Variants in DEFA3 observed in about 807,000 individuals in gnomAD.
The protein encoded by DEFA3 is neutrophil defensin 3.
For synonymous variants in DEFA3, 3 were observed against 47.2 expected, an observed-to-expected ratio of 0.06 and a Z score of 3.84; for missense variants, 8 against 128.1, an observed-to-expected ratio of 0.06 and a Z score of 4.53.
chr8:7,017,799 C>T (rs1178953210), intron 1 of DEFA3, among the ~76,000 whole-genome samples: 6 of 152,074 alleles, frequency 3.9e-5, no homozygotes, highest in Non-Finnish European at 8.8e-5. Context: ...AACAATCAAC[C>T]GAGTGAAAAG....
intron 2 of DEFA3, among the ~76,000 whole-genome samples, 172 bp from the exon 3 acceptor site, chr8:7,016,271 A>T (rs1810965493): frequency 6.6e-6 from 1 of 152,224 alleles, no homozygotes; most frequent in Non-Finnish European, 1.5e-5. Flanking sequence ...TGTCACACAG[A>T]ATTTGAGACT....
chr8:7,017,926 A>C (rs1263751929), intron 1 of DEFA3, among the ~76,000 whole-genome samples: 1 of 152,266 alleles, frequency 6.6e-6, no homozygotes, highest in African/African-American at 2.4e-5. Context: ...CCTGATTGAA[A>C]GACAGACCAA....
At chr8:7,017,825 A>C (rs920205322) in intron 1 of DEFA3, among the ~76,000 whole-genome samples, 1 of 152,156 alleles carries the variant, frequency 6.6e-6, no homozygotes, top group Non-Finnish European at 1.5e-5. Context: ...CCAGAAAATG[A>C]GAGAAAATAT....
rs1373779868 is a variant in DEFA3 at position 7,015,917 on chromosome 8, A to T, written c.*73T>A. 5.8e-6 allele frequency: 7 copies of T among 1,207,216 alleles called. No individual in the cohort carries two copies. Among genetic ancestry groups the T allele is most frequent in the Non-Finnish European group, 8.4e-6 (7 of 830,698 alleles). The allele number at this position is 1,207,216 out of a possible 1,614,324, so 74.8% of individuals were successfully genotyped here. A position where few individuals can be genotyped will look rare whatever the true frequency, so the allele number is the denominator to read the frequency against. ...AGATGAGGAAAGGAAATTGAGCAGA[A>T]GGTACAGGAGTAATAGCAATTCCCT... On this transcript the variant is annotated 3_prime_UTR_variant, in exon 3 of 3. Coordinates refer to ENST00000327857, the MANE Select transcript of DEFA3 (RefSeq NM_005217.4).
At chr8:7,017,923 G>C (rs1428959074) in intron 1 of DEFA3, among the ~76,000 whole-genome samples, 1 of 152,250 alleles carries the variant, frequency 6.6e-6, no homozygotes, top group African/African-American at 2.4e-5. Context: ...CAACCTGATT[G>C]AAAGACAGAC....
Position 7,015,904 on chromosome 8 carries a change from G to A in DEFA3, c.*86C>T. 7.7e-6 allele frequency: 9 copies of A among 1,175,326 alleles called. 1 individual carries two copies. Among genetic ancestry groups the A allele is most frequent in the Non-Finnish European group, 1.1e-5 (9 of 805,446 alleles). The allele number at this position is 1,175,326 out of a possible 1,614,324, so 72.8% of individuals were successfully genotyped here. A position where few individuals can be genotyped will look rare whatever the true frequency, so the allele number is the denominator to read the frequency against. ...AGGCATTTATTTGAGATGAGGAAAG[G>A]AAATTGAGCAGAAGGTACAGGAGTA... is the stretch of plus-strand genomic sequence containing the variant. On this transcript the variant is annotated 3_prime_UTR_variant, in exon 3 of 3. Transcript: ENST00000327857.
chr8:7,018,015 T>A (rs1311868180), intron 1 of DEFA3, among the ~76,000 whole-genome samples: 1 of 148,988 alleles, frequency 6.7e-6, no homozygotes, highest in Admixed American at 6.7e-5. Context: ...CCAGGACATG[T>A]GTGTTTAGAA....
intron 1 of DEFA3, among the ~76,000 whole-genome samples, chr8:7,017,810 A>G (rs1381940614): frequency 6.6e-6 from 1 of 152,100 alleles, no homozygotes; most frequent in Non-Finnish European, 1.5e-5. Flanking sequence ...GAGTGAAAAG[A>G]TAACCCAGAA....
In DEFA3 at chr8:7,016,696, C is replaced by G; in HGVS notation, c.155G>C (p.Ser52Thr). The stretch of plus-strand genomic sequence containing the variant: ...CTCACCTGGATGCTTTGGAGCCAAG[C>G]TTTCGTCCCATGCAAGGGAAACAAC... ...EVVVSLAWDE[S>T]LAPKHPGSRK... Residue 52 changes from serine (S) to threonine (T), a missense_variant, in exon 2 of 3, where the codon AGC (serine) becomes ACC (threonine). By Grantham distance (58) the Ser-to-Thr change is moderately conservative. Coordinates refer to ENST00000327857, the MANE Select transcript of DEFA3 (RefSeq NM_005217.4). The G allele has an allele frequency of 2.1e-6, 3 of 1,451,240 alleles. No homozygotes were observed. The highest frequency in any genetic ancestry group is 1.9e-6 in the Non-Finnish European group (2 of 1,068,910). The allele number at this position is 1,451,240 out of a possible 1,614,324, so 89.9% of individuals were successfully genotyped here.
At chr8:7,016,375 T>TATA (rs1810971093) in intron 2 of DEFA3, among the ~76,000 whole-genome samples, 3 of 45,106 alleles carry the variant, frequency 6.7e-5, no homozygotes, top group African/African-American at 2.5e-4. Context: ...AAAGCTCTTC[T>TATA]GTAGAGTAAA....
chr8:7,018,025 A>G (rs1811053617), intron 1 of DEFA3, among the ~76,000 whole-genome samples, 197 bp downstream of exon 1: 2 of 149,200 alleles, frequency 1.3e-5, no homozygotes, highest in Non-Finnish European at 3.0e-5. Context: ...TGTGTTTAGA[A>G]GGAAACTGCT....
intron 2 of DEFA3, 52 bp from the exon 3 acceptor site, chr8:7,016,151 A>G: frequency 1.0e-6 from 1 of 983,456 alleles, no homozygotes; most frequent in Non-Finnish European, 1.6e-6. Context: ...AGTGGGTAAG[A>G]AAAAGAATCT....
chr8:7,018,044 T>C (rs1811054638), intron 1 of DEFA3, among the ~76,000 whole-genome samples, 178 bp downstream of exon 1: 1 of 150,768 alleles, frequency 6.6e-6, no homozygotes, highest in Admixed American at 6.6e-5. Context: ...CTTGAGTTTC[T>C]CTATTAAGTT....
intron 2 of DEFA3, among the ~76,000 whole-genome samples, chr8:7,016,456 C>G (rs567018647): frequency 1.4e-5 from 2 of 146,482 alleles, no homozygotes; most frequent in South Asian, 2.1e-4. Flanking sequence ...ATATCTTAAA[C>G]TTAGTGAATT....
chr8:7,016,299 A>G (rs1224521185), intron 2 of DEFA3, among the ~76,000 whole-genome samples, 200 bp from the exon 3 acceptor site: 1 of 152,102 alleles, frequency 6.6e-6, no homozygotes, highest in South Asian at 2.1e-4. Context: ...CTTTGCTCTC[A>G]TTTTTGCATT....
chr8:7,016,256 G>T (rs1468381397), intron 2 of DEFA3, among the ~76,000 whole-genome samples, 157 bp from the exon 3 acceptor site: 4 of 152,232 alleles, frequency 2.6e-5, no homozygotes, highest in African/African-American at 7.2e-5. Context: ...ACGCAGAGCA[G>T]TGCTTGTCAC....
At chr8:7,018,018 G>A (rs2615798) in intron 1 of DEFA3, among the ~76,000 whole-genome samples, 849 of 130,476 alleles carry the variant, frequency 6.5e-3, no homozygotes, top group South Asian at 0.019. Context: ...GGACATGTGT[G>A]TTTAGAAGGA....
chr8:7,016,300 T>G (rs963112048), intron 2 of DEFA3, among the ~76,000 whole-genome samples: 69 of 152,082 alleles, frequency 4.5e-4, no homozygotes, highest in Admixed American at 3.3e-4. Flanking sequence ...TTTGCTCTCA[T>G]TTTTGCATTC....
intron 2 of DEFA3, among the ~76,000 whole-genome samples, 195 bp from the exon 3 acceptor site, chr8:7,016,294 C>T (rs529058383): frequency 6.6e-6 from 1 of 152,244 alleles, no homozygotes; most frequent in Admixed American, 6.5e-5. Flanking sequence ...TTCTCCTTTG[C>T]TCTCATTTTT....
Sources: gnomAD v4.1 joint callset for allele counts (sites outside exome capture counted in the v4.1 genomes callset) on GRCh38, gnomAD v4.1.1 for gene constraint, MANE v1.5 for transcripts, NCBI Gene and HGNC (gene_info 2026-07-23, HGNC 2026-07-21) for gene names.